The following PPM1E variants were observed in gnomAD, a reference collection of about 807,000 sequenced individuals.
PPM1E encodes the protein protein phosphatase, Mg2+/Mn2+ dependent 1E.
A neutral mutation model predicts 65.9 loss-of-function variants in PPM1E; 20 were observed. That is an observed-to-expected ratio of 0.30 (90% CI 0.21 to 0.44). The LOEUF is 0.44. Among genes scored for constraint, PPM1E ranks in the 20% least tolerant of loss-of-function variants. The pLI is 1.00. For synonymous variants in PPM1E, 352 were observed against 374.9 expected (o/e 0.94, Z 0.70); for missense variants, 713 against 953.1 (o/e 0.75, Z 3.32).
intron 1 of PPM1E, among the ~76,000 whole-genome samples, chr17:58,944,446 AC>A: frequency 6.6e-6 from 1 of 151,902 alleles, no homozygotes; most frequent in East Asian, 1.9e-4. Flanking sequence ...AATTTTCATC[AC>A]CCCAGAAAGA....
rs533820677 is a variant in PPM1E at position 58,868,568 on chromosome 17, C to CTTTT, written c.465-87069_465-87066dup. 3.3e-3 allele frequency among the ~76,000 whole-genome samples: 422 copies of CTTTT among 128,266 alleles called. 6 individuals carry two copies. The highest frequency in any genetic ancestry group is 5.0e-3 in the Non-Finnish European group (307 of 61,086). The allele number at this position is 128,266 out of a possible 152,430, so 84.1% of individuals were successfully genotyped here. A position where few individuals can be genotyped will look rare whatever the true frequency, so the allele number is the denominator to read the frequency against. ...TACAATCCTTTTTGAAATGTCCAGG[C>CTTTT]TTTTTTTTTTTTTTTGCAGTCATTG... On this transcript the variant is annotated intron_variant, in intron 1 of 6. Transcript: ENST00000308249.
At chr17:58,894,968 G>A (rs747795192) in intron 1 of PPM1E, among the ~76,000 whole-genome samples, 2 of 152,040 alleles carry the variant, frequency 1.3e-5, no homozygotes, top group African/African-American at 4.8e-5. Flanking sequence ...CAAGGTCTGT[G>A]GCAACTCTAT....
intron 1 of PPM1E, among the ~76,000 whole-genome samples, chr17:58,776,728 A>G (rs2049998030): frequency 6.6e-6 from 1 of 152,238 alleles, no homozygotes; most frequent in Non-Finnish European, 1.5e-5. Context: ...ATGTTTTAAT[A>G]TGTAAATTAT....
At chr17:58,823,845 C>G (rs994353605) in intron 1 of PPM1E, among the ~76,000 whole-genome samples, 1 of 152,080 alleles carries the variant, frequency 6.6e-6, no homozygotes, top group African/African-American at 2.4e-5. Context: ...ATTCTCCTGC[C>G]TCAGCCTCCC....
chr17:58,969,836 C>T, intron 4 of PPM1E, 109 bp downstream of exon 4: 1 of 1,025,288 alleles, frequency 9.8e-7, no homozygotes. Flanking sequence ...AGACATTATC[C>T]AAACTGTATT....
intron 2 of PPM1E, among the ~76,000 whole-genome samples, chr17:58,965,248 A>G (rs554779981): frequency 6.6e-6 from 1 of 152,238 alleles, no homozygotes; most frequent in South Asian, 2.1e-4. Context: ...CCATATTCCA[A>G]TAAACACTGT....
chr17:58,811,416 C>T (rs2050366850), intron 1 of PPM1E, among the ~76,000 whole-genome samples: 1 of 152,138 alleles, frequency 6.6e-6, no homozygotes, highest in South Asian at 2.1e-4. Context: ...GGAATTTATC[C>T]TTTGCACTAT....
At chr17:58,891,353 T>C (rs950288081) in intron 1 of PPM1E, among the ~76,000 whole-genome samples, 1 of 152,052 alleles carries the variant, frequency 6.6e-6, no homozygotes, top group Non-Finnish European at 1.5e-5. Flanking sequence ...GATGGAGTCT[T>C]GCTCTGTTGC....
intron 1 of PPM1E, among the ~76,000 whole-genome samples, chr17:58,786,015 C>CTT (rs199866066): frequency 1.2e-4 from 17 of 139,080 alleles, no homozygotes; most frequent in Non-Finnish European, 1.3e-4. Flanking sequence ...CACCTTTTCA[C>CTT]TTTTTTTTTT....
At chr17:58,967,880 T>C (rs1853494263) in intron 3 of PPM1E, among the ~76,000 whole-genome samples, 1 of 151,790 alleles carries the variant, frequency 6.6e-6, no homozygotes, top group Non-Finnish European at 1.5e-5. Context: ...CTCGACTCAC[T>C]GCAACCTCCG....
intron 1 of PPM1E, among the ~76,000 whole-genome samples, chr17:58,876,934 C>A (rs2051133877): frequency 6.7e-6 from 1 of 149,378 alleles, no homozygotes; most frequent in Admixed American, 6.6e-5. Flanking sequence ...CAGGCACCCG[C>A]CACCACGCCC....
At chr17:58,936,934 TC>T (rs1412062558) in intron 1 of PPM1E, among the ~76,000 whole-genome samples, 2 of 152,140 alleles carry the variant, frequency 1.3e-5, no homozygotes, top group African/African-American at 4.8e-5. Context: ...CTGACTCCTT[TC>T]CTATTCTCTA....
chr17:58,812,348 T>C (rs1174506946), intron 1 of PPM1E, among the ~76,000 whole-genome samples: 1 of 143,340 alleles, frequency 7.0e-6, no homozygotes, highest in African/African-American at 2.6e-5. Flanking sequence ...AGTTCTAATA[T>C]AGTCTGTTCA....
rs544877628 is a variant in PPM1E at position 58,836,951 on chromosome 17, C to T, written c.464+80490C>T. Among the ~76,000 whole-genome samples the T allele has an allele frequency of 6.3e-3, 898 of 141,688 alleles. 4 individuals are homozygous for T. Among genetic ancestry groups the T allele is most frequent in the African/African-American group, 9.7e-3 (371 of 38,124 alleles). The allele number at this position is 141,688 out of a possible 152,430, so 93.0% of individuals were successfully genotyped here. A position where few individuals can be genotyped will look rare whatever the true frequency, so the allele number is the denominator to read the frequency against. ...AGGAGAATGGCGTGAACCCGGGAGG[C>T]GGAGCTTGCAGTGAGCCGAGATCCC... On this transcript the variant is annotated intron_variant, in intron 1 of 6. Coordinates refer to ENST00000308249, the MANE Select transcript of PPM1E (RefSeq NM_014906.5).
At chr17:58,846,483 A>C (rs954383922) in intron 1 of PPM1E, among the ~76,000 whole-genome samples, 1 of 152,002 alleles carries the variant, frequency 6.6e-6, no homozygotes, top group Non-Finnish European at 1.5e-5. Flanking sequence ...AAGTATTCTC[A>C]TTGTTCAATT....
chr17:58,928,812 C>T (rs180932512), intron 1 of PPM1E, among the ~76,000 whole-genome samples: 9 of 151,658 alleles, frequency 5.9e-5, no homozygotes, highest in Non-Finnish European at 8.8e-5. Flanking sequence ...AAGTGATTCT[C>T]CTGCCTCAGC....
intron 1 of PPM1E, among the ~76,000 whole-genome samples, chr17:58,810,859 G>T (rs2050359561): frequency 6.6e-6 from 1 of 151,906 alleles, no homozygotes; most frequent in Non-Finnish European, 1.5e-5. Flanking sequence ...TCGGTTTTCT[G>T]TTCTTTTCTT....
At chr17:58,900,396 G>A (rs1277232689) in intron 1 of PPM1E, among the ~76,000 whole-genome samples, 2 of 152,182 alleles carry the variant, frequency 1.3e-5, no homozygotes, top group African/African-American at 2.4e-5. Context: ...AGCCATCAAC[G>A]TGGAAGCAAG....
intron 1 of PPM1E, among the ~76,000 whole-genome samples, chr17:58,776,386 A>C (rs1338182452): frequency 3.3e-5 from 5 of 152,226 alleles, no homozygotes; most frequent in Non-Finnish European, 5.9e-5. Context: ...TTTAATTTTC[A>C]GAAGCTGTTA....
Sources: gnomAD v4.1 joint callset for allele counts (sites outside exome capture counted in the v4.1 genomes callset) on GRCh38, gnomAD v4.1.1 for gene constraint, MANE v1.5 for transcripts, NCBI Gene and HGNC (gene_info 2026-07-23, HGNC 2026-07-21) for gene names.